COL14A1: variants seen among roughly 807,000 people sequenced by gnomAD.
COL14A1 encodes collagen alpha-1(XIV) chain.
A neutral mutation model predicts 230.3 loss-of-function variants in COL14A1; 136 were observed. The observed-to-expected ratio is 0.59, with a 90% CI of 0.51 to 0.68. The LOEUF is 0.68. Ranked by LOEUF, COL14A1 falls within the 30% of genes least tolerant of loss-of-function variation. COL14A1 has a pLI of 0.00. For missense variants in COL14A1, 1,976 were observed against 2,215.8 expected (o/e 0.89, Z 2.17); for synonymous variants, 792 against 784.1 (o/e 1.01, Z -0.17).
At chr8:120,208,414 G>A in intron 11 of COL14A1, 53 bp downstream of exon 11, 3 of 1,554,052 alleles carry the variant, frequency 1.9e-6, no homozygotes, top group Middle Eastern at 1.7e-4. Flanking sequence ...TGCTTAGGAG[G>A]CCTTTCTTAA....
intron 45 of COL14A1, among the ~76,000 whole-genome samples, chr8:120,364,371 A>G (rs1240477937): frequency 6.6e-6 from 1 of 152,178 alleles, no homozygotes; most frequent in Non-Finnish European, 1.5e-5. Context: ...CTATTTTTAG[A>G]GATCTGAAGT....
intron 46 of COL14A1, 39 bp downstream of exon 46, chr8:120,367,287 T>G: frequency 6.6e-7 from 1 of 1,514,756 alleles, no homozygotes; most frequent in Non-Finnish European, 9.1e-7. Context: ...CAAATGTATA[T>G]TTTTATATTC....
intron 26 of COL14A1, among the ~76,000 whole-genome samples, chr8:120,276,695 GT>G (rs774776220): frequency 6.7e-4 from 101 of 151,716 alleles, no homozygotes; most frequent in Non-Finnish European, 1.2e-3. Context: ...CATGGTGGGG[GT>G]AAGGGGGAGG....
At chr8:120,285,665 G>C (rs1201705945) in intron 32 of COL14A1, among the ~76,000 whole-genome samples, 196 bp from the exon 33 acceptor site, 1 of 152,046 alleles carries the variant, frequency 6.6e-6, no homozygotes, top group Non-Finnish European at 1.5e-5. Context: ...TCATCACCAA[G>C]TGGCTTAATC....
At position 120,168,243 on chromosome 8, in the gene COL14A1, A is replaced by G. The variant is rs1177408466; in HGVS notation, c.432A>G (p.Pro144=). The G allele has an allele frequency of 3.1e-6, 5 of 1,606,262 alleles. No homozygotes were observed. Among genetic ancestry groups the G allele is most frequent in the Admixed American group, 3.4e-5 (2 of 59,194 alleles). The change falls in exon 5 of 48, where the codon CCA becomes CCG. Residue 144 remains proline, a synonymous_variant. Transcript: ENST00000297848. The part of the protein sequence containing the change: ...DRGNGSRPSS[P]EEVKFVCQTP... ...GAAATGGGAGTAGACCATCTTCACCAGAAGGTCAGAGACGATTTTAATTAA... is the reference window on the plus strand; with the variant it reads ...GAAATGGGAGTAGACCATCTTCACCGGAAGGTCAGAGACGATTTTAATTAA...
intron 18 of COL14A1, 107 bp downstream of exon 18, chr8:120,228,876 C>T (rs77233880): frequency 2.1e-6 from 2 of 969,012 alleles, no homozygotes; most frequent in African/African-American, 1.7e-5. Flanking sequence ...GATGACCCTC[C>T]CTTCCTTTTC....
chr8:120,234,650 C>T (rs982169864), intron 19 of COL14A1, among the ~76,000 whole-genome samples: 3 of 151,950 alleles, frequency 2.0e-5, no homozygotes, highest in Admixed American at 2.0e-4. Flanking sequence ...GCCTTGCATC[C>T]CAGGGATGAA....
intron 45 of COL14A1, among the ~76,000 whole-genome samples, chr8:120,354,313 G>A (rs1394742505): frequency 7.9e-6 from 1 of 126,628 alleles, no homozygotes; most frequent in African/African-American, 3.1e-5. Flanking sequence ...AGTGGGTGCA[G>A]CGCACCAGCA....
At chr8:120,214,641 T>C (rs563267340) in intron 13 of COL14A1, among the ~76,000 whole-genome samples, 3 of 152,326 alleles carry the variant, frequency 2.0e-5, no homozygotes, top group Admixed American at 2.0e-4. Context: ...TAATTACCCA[T>C]TGATTCAATG....
At chr8:120,149,059 A>G (rs2130473480) in intron 2 of COL14A1, among the ~76,000 whole-genome samples, 1 of 152,384 alleles carries the variant, frequency 6.6e-6, no homozygotes, top group Non-Finnish European at 1.5e-5. Context: ...TCTGAAAAGA[A>G]TGTGCTAACT....
At chr8:120,196,971 G>A in intron 6 of COL14A1, 25 bp downstream of exon 6, 2 of 1,608,662 alleles carry the variant, frequency 1.2e-6, no homozygotes, top group Non-Finnish European at 1.7e-6. Context: ...ATTAGCAGTA[G>A]CAGTCAGTTG....
Position 120,250,713 on chromosome 8 carries a change from T to G in COL14A1, c.2699T>G (p.Phe900Cys). ...LSGMDYNVKI[F>C]ASQASGFSDA... ...GGAATGGACTACAATGTGAAGATAT[T>G]TGCCTCCCAGGCCTCAGGCTTCAGC... Residue 900 changes from phenylalanine (F) to cysteine (C), a missense_variant, in exon 22 of 48, where the codon TTT becomes TGT. Coordinates refer to ENST00000297848, the MANE Select transcript of COL14A1 (RefSeq NM_021110.4). 1 of 1,614,218 alleles carries G rather than the reference T, an allele frequency of 6.2e-7. No homozygotes were observed. The highest frequency in any genetic ancestry group is 1.1e-5 in the South Asian group (1 of 91,084).
intron 19 of COL14A1, chr8:120,232,007 T>A (rs1563686175): frequency 6.4e-6 from 1 of 156,260 alleles, no homozygotes; most frequent in African/African-American, 2.4e-5. Context: ...GGAAATCTGA[T>A]AAAAAAACTT....
chr8:120,268,002 G>T (rs1021650532), intron 25 of COL14A1, among the ~76,000 whole-genome samples: 13 of 151,776 alleles, frequency 8.6e-5, no homozygotes, highest in Admixed American at 5.3e-4. Flanking sequence ...AAAATAAGTT[G>T]TTGAGAGCTT....
Position 120,278,116 on chromosome 8 carries a change from A to C in COL14A1, c.3219A>C (p.Ala1073=), listed in dbSNP as rs763724942. ...AATACACCTTCTCTCTCCAGGTTGCAATGGTTCAGTTCACTGATGATCCCA... is the reference window on the plus strand; with the variant it reads ...AATACACCTTCTCTCTCCAGGTTGCCATGGTTCAGTTCACTGATGATCCCA... ...NKIGTDGTQV[A]MVQFTDDPRT... Residue 1073 remains alanine, a synonymous_variant, in exon 27 of 48, where the codon GCA becomes GCC. Transcript: ENST00000297848. 6.2e-7 allele frequency: 1 copy of C among 1,603,624 alleles called. No homozygotes were observed. Among genetic ancestry groups the C allele is most frequent in the Admixed American group, 1.7e-5 (1 of 57,506 alleles).
intron 45 of COL14A1, among the ~76,000 whole-genome samples, chr8:120,354,655 T>G (rs1308077045): frequency 6.6e-6 from 1 of 152,180 alleles, no homozygotes; most frequent in Non-Finnish European, 1.5e-5. Context: ...TTTTCGTAAG[T>G]TTGTGTGGAA....
intron 40 of COL14A1, among the ~76,000 whole-genome samples, chr8:120,322,734 T>C (rs1471378137): frequency 6.6e-6 from 1 of 152,076 alleles, no homozygotes; most frequent in African/African-American, 2.4e-5. Context: ...TTCTTGTTTT[T>C]TTTTTATGGC....
intron 42 of COL14A1, among the ~76,000 whole-genome samples, chr8:120,333,578 C>T (rs1050420810): frequency 2.6e-5 from 4 of 152,222 alleles, no homozygotes; most frequent in African/African-American, 9.7e-5. Context: ...AGGATGGAAG[C>T]ATCTAGTGAA....
At chr8:120,228,290 A>G (rs917180228) in intron 17 of COL14A1, among the ~76,000 whole-genome samples, 2 of 152,192 alleles carry the variant, frequency 1.3e-5, no homozygotes, top group Non-Finnish European at 2.9e-5. Flanking sequence ...CGGTGGCTGT[A>G]AGAAATAGAA....
Sources: gnomAD v4.1 joint callset for allele counts (sites outside exome capture counted in the v4.1 genomes callset) on GRCh38, gnomAD v4.1.1 for gene constraint, MANE v1.5 for transcripts, NCBI Gene and HGNC (gene_info 2026-07-23, HGNC 2026-07-21) for gene names.